SLC68A1: variants seen among roughly 807,000 people sequenced by gnomAD.
SLC68A1 encodes major facilitator superfamily domain containing 13A.
the SLC68A1 span, among the ~76,000 whole-genome samples, chr10:102,465,093 A>C: frequency 2.0e-4 from 31 of 152,138 alleles, no homozygotes; most frequent in African/African-American, 7.0e-4. Context: ...TCTCTACTAA[A>C]TATACAAAAA....
At chr10:102,475,754 C>T in the SLC68A1 span, 1 of 1,612,948 alleles carries the variant, frequency 6.2e-7, no homozygotes, top group Non-Finnish European at 8.5e-7. Flanking sequence ...CCTCATAACC[C>T]CTGTGGGGAG....
At chr10:102,462,363 CAGAT>C in the SLC68A1 span, among the ~76,000 whole-genome samples, 4 of 152,206 alleles carry the variant, frequency 2.6e-5, no homozygotes, top group Admixed American at 6.5e-5. Context: ...GGAATAGACT[CAGAT>C]AGTAAGTTAA....
At chr10:102,473,937 A>G in the SLC68A1 span, 205 of 1,613,528 alleles carry the variant, frequency 1.3e-4, no homozygotes, top group Non-Finnish European at 1.6e-4. Context: ...CCTCTTTGGC[A>G]TGGTTGCCTT....
chr10:102,468,994 C>T, the SLC68A1 span: 2 of 1,585,328 alleles, frequency 1.3e-6, no homozygotes, highest in Non-Finnish European at 1.7e-6. Flanking sequence ...ATGAGCCCTC[C>T]CCGGTGCTCC....
the SLC68A1 span, chr10:102,470,580 T>C: frequency 6.5e-7 from 1 of 1,540,010 alleles, no homozygotes; most frequent in East Asian, 2.3e-5. Flanking sequence ...TGGGCCTCCA[T>C]CCCTCCCCTG....
the SLC68A1 span, chr10:102,476,076 T>TA: frequency 3.0e-6 from 1 of 330,396 alleles, no homozygotes; most frequent in Non-Finnish European, 3.9e-6. Context: ...GATTTCATAG[T>TA]TTTTTTTTTT....
At chr10:102,473,518 C>G in the SLC68A1 span, 374 of 1,513,580 alleles carry the variant, frequency 2.5e-4, no homozygotes, top group Non-Finnish European at 3.2e-4. Context: ...ATGGCGCTCA[C>G]TGGCACTGCA....
chr10:102,469,638 C>A, the SLC68A1 span, among the ~76,000 whole-genome samples: 11 of 151,400 alleles, frequency 7.3e-5, no homozygotes, highest in Admixed American at 1.3e-4. Context: ...CCTCCGCCTT[C>A]GTGGTTCAAG....
chr10:102,469,186 T>C, the SLC68A1 span: 2 of 1,613,654 alleles, frequency 1.2e-6, no homozygotes, highest in Non-Finnish European at 1.7e-6. Flanking sequence ...AATGGCCTTC[T>C]GGGTCGGAGA....
the SLC68A1 span, chr10:102,473,755 C>G: frequency 6.2e-7 from 1 of 1,609,944 alleles, no homozygotes; most frequent in Non-Finnish European, 8.5e-7. Flanking sequence ...TGCCCCTGCC[C>G]ACGCTCCCCG....
chr10:102,470,869 G>A, the SLC68A1 span: 1 of 1,613,264 alleles, frequency 6.2e-7, no homozygotes, highest in Non-Finnish European at 8.5e-7. Context: ...TGGCCGACCT[G>A]GCCCTCTCAG....
chr10:102,472,091 A>C, the SLC68A1 span: 5 of 452,256 alleles, frequency 1.1e-5, no homozygotes, highest in African/African-American at 1.0e-4. Context: ...TGAGCCCAGG[A>C]GTTCGAGGCT....
the SLC68A1 span, among the ~76,000 whole-genome samples, chr10:102,466,937 C>T: frequency 6.6e-6 from 1 of 152,260 alleles, no homozygotes; most frequent in African/African-American, 2.4e-5. Flanking sequence ...CACCTCAGCC[C>T]TGTGTGGCGG....
At chr10:102,475,384 G>A in the SLC68A1 span, among the ~76,000 whole-genome samples, 3 of 152,200 alleles carry the variant, frequency 2.0e-5, no homozygotes, top group Admixed American at 6.5e-5. Context: ...ATCTTTGGGA[G>A]ACTGGCAGAG....
chr10:102,467,421 G>T, the SLC68A1 span, among the ~76,000 whole-genome samples: 1 of 152,212 alleles, frequency 6.6e-6, no homozygotes, highest in African/African-American at 2.4e-5. Flanking sequence ...CTTGTTTGTG[G>T]TTATGATTTC....
At chr10:102,472,944 C>T in the SLC68A1 span, 1 of 1,613,356 alleles carries the variant, frequency 6.2e-7, no homozygotes, top group Non-Finnish European at 8.5e-7. Flanking sequence ...GGGCTCCATC[C>T]TGTTGGGTGA....
At chr10:102,469,868 CAGCAAAGGTT>C in the SLC68A1 span, 2 of 1,446,858 alleles carry the variant, frequency 1.4e-6, no homozygotes, top group Non-Finnish European at 9.1e-7. Flanking sequence ...GAACTGACAC[CAGCAAAGGTT>C]TGCAGGTAGG....
chr10:102,475,219 C>T, the SLC68A1 span, among the ~76,000 whole-genome samples: 1 of 151,974 alleles, frequency 6.6e-6, no homozygotes, highest in African/African-American at 2.4e-5. Flanking sequence ...TCGCTTGAAA[C>T]TGGGAGGCCG....
chr10:102,473,200 G>C, the SLC68A1 span, among the ~76,000 whole-genome samples: 1 of 152,110 alleles, frequency 6.6e-6, no homozygotes, highest in East Asian at 1.9e-4. Flanking sequence ...TGGGTGTTGA[G>C]GGGGGCGGAG....
Sources: gnomAD v4.1 joint callset for allele counts (sites outside exome capture counted in the v4.1 genomes callset) on GRCh38, gnomAD v4.1.1 for gene constraint, MANE v1.5 for transcripts, NCBI Gene and HGNC (gene_info 2026-07-23, HGNC 2026-07-21) for gene names.